Variants in SPMIP2 observed in about 807,000 individuals in gnomAD.
SPMIP2 encodes protein SPMIP2.
chr4:159,029,592 C>CA, the SPMIP2 span, among the ~76,000 whole-genome samples: 1 of 152,122 alleles, frequency 6.6e-6, no homozygotes, highest in Admixed American at 6.6e-5. Flanking sequence ...CTATGATACT[C>CA]AAAAAGAAGA....
At chr4:158,984,753 G>A in the SPMIP2 span, among the ~76,000 whole-genome samples, 2 of 152,010 alleles carry the variant, frequency 1.3e-5, no homozygotes, top group African/African-American at 4.8e-5. Flanking sequence ...ACATTCAAAA[G>A]CTAGCAGAAG....
At chr4:159,029,662 G>A in the SPMIP2 span, among the ~76,000 whole-genome samples, 2 of 152,186 alleles carry the variant, frequency 1.3e-5, no homozygotes, top group Non-Finnish European at 2.9e-5. Context: ...GTTATGTGAG[G>A]TAATTTCCTG....
the SPMIP2 span, among the ~76,000 whole-genome samples, chr4:158,957,714 T>C: frequency 0.66 from 100,965 of 152,076 alleles, 33,735 homozygotes; most frequent in South Asian, 0.8. Context: ...CGTGAGCCAC[T>C]GTGCCCGTCC....
chr4:158,952,255 C>T, the SPMIP2 span, among the ~76,000 whole-genome samples: 13 of 152,132 alleles, frequency 8.5e-5, no homozygotes, highest in African/African-American at 2.7e-4. Flanking sequence ...TATGGTTTGG[C>T]TGTGTCCCCA....
the SPMIP2 span, among the ~76,000 whole-genome samples, chr4:158,921,841 C>T: frequency 6.6e-6 from 1 of 150,720 alleles, no homozygotes; most frequent in African/African-American, 2.4e-5. Context: ...TTGTAAACTT[C>T]TTCTACTACA....
At chr4:158,946,336 G>A in the SPMIP2 span, among the ~76,000 whole-genome samples, 2 of 152,308 alleles carry the variant, frequency 1.3e-5, no homozygotes, top group East Asian at 3.9e-4. Context: ...ATTCTGAGAT[G>A]AAGAATATTC....
chr4:158,947,680 T>G, the SPMIP2 span, among the ~76,000 whole-genome samples: 2 of 152,194 alleles, frequency 1.3e-5, no homozygotes, highest in African/African-American at 4.8e-5. Context: ...AAAGAAATTT[T>G]ATACTATATT....
At chr4:158,942,593 A>T in the SPMIP2 span, among the ~76,000 whole-genome samples, 1 of 152,116 alleles carries the variant, frequency 6.6e-6, no homozygotes, top group South Asian at 2.1e-4. Flanking sequence ...AACATGATGA[A>T]ACCCCATCTC....
chr4:158,924,775 G>T, the SPMIP2 span, among the ~76,000 whole-genome samples: 7 of 152,058 alleles, frequency 4.6e-5, no homozygotes, highest in Admixed American at 2.0e-4. Flanking sequence ...TTCCCAAGTC[G>T]CTGAGACTCC....
At chr4:159,046,461 A>G in the SPMIP2 span, among the ~76,000 whole-genome samples, 26,566 of 152,216 alleles carry the variant, frequency 0.17, 2,699 homozygotes, top group African/African-American at 0.28. Flanking sequence ...CAGGTAGCCA[A>G]TGAGAAGTCC....
the SPMIP2 span, among the ~76,000 whole-genome samples, chr4:158,916,125 C>G: frequency 6.6e-6 from 1 of 152,202 alleles, no homozygotes; most frequent in Non-Finnish European, 1.5e-5. Context: ...TTGCATCGCC[C>G]TTCACTCACT....
chr4:159,035,384 T>C, the SPMIP2 span, among the ~76,000 whole-genome samples: 1 of 152,178 alleles, frequency 6.6e-6, no homozygotes, highest in Admixed American at 6.5e-5. Flanking sequence ...ATACACTTGT[T>C]CACAGGTACT....
At chr4:159,026,135 C>T in the SPMIP2 span, 1 of 332,372 alleles carries the variant, frequency 3.0e-6, no homozygotes, top group Non-Finnish European at 6.0e-6. Flanking sequence ...GACCACTGTT[C>T]AGCAGATGGA....
chr4:159,061,071 T>G, the SPMIP2 span, among the ~76,000 whole-genome samples: 1 of 113,234 alleles, frequency 8.8e-6, no homozygotes, highest in African/African-American at 3.6e-5. Flanking sequence ...GGCAACAGAG[T>G]GAGACCCTAT....
At chr4:158,961,235 T>A in the SPMIP2 span, among the ~76,000 whole-genome samples, 2 of 152,110 alleles carry the variant, frequency 1.3e-5, no homozygotes, top group Non-Finnish European at 2.9e-5. Context: ...ATGATGTTAC[T>A]TAGTACTTTT....
chr4:159,030,222 G>A, the SPMIP2 span, among the ~76,000 whole-genome samples: 1 of 152,094 alleles, frequency 6.6e-6, no homozygotes, highest in Admixed American at 6.5e-5. Context: ...AGACCAGCCT[G>A]GGCAATATGG....
the SPMIP2 span, among the ~76,000 whole-genome samples, chr4:158,949,833 G>C: frequency 6.6e-6 from 1 of 152,178 alleles, no homozygotes; most frequent in East Asian, 1.9e-4. Flanking sequence ...CAAGAAAGCG[G>C]ATCAGTTATA....
the SPMIP2 span, among the ~76,000 whole-genome samples, chr4:158,955,356 C>A: frequency 3.3e-5 from 5 of 152,084 alleles, no homozygotes; most frequent in Non-Finnish European, 7.3e-5. Flanking sequence ...TAACCTACAT[C>A]TTTATCAGTC....
chr4:159,065,475 T>G, the SPMIP2 span, among the ~76,000 whole-genome samples: 1 of 152,188 alleles, frequency 6.6e-6, no homozygotes, highest in African/African-American at 2.4e-5. Flanking sequence ...CCCAGCACTT[T>G]GGGAGGCCAA....
Sources: gnomAD v4.1 joint callset for allele counts (sites outside exome capture counted in the v4.1 genomes callset) on GRCh38, gnomAD v4.1.1 for gene constraint, MANE v1.5 for transcripts, NCBI Gene and HGNC (gene_info 2026-07-23, HGNC 2026-07-21) for gene names.